Variants in COL5A3 observed in about 807,000 individuals in gnomAD.
The protein encoded by COL5A3 is collagen type V alpha 3 chain, also known as collagen alpha-3(V) chain.
COL5A3 carries 172 observed loss-of-function variants against 250.0 expected under a neutral mutation model. The ratio of observed to expected loss-of-function variants is 0.69; its 90% CI spans 0.61 to 0.78. The LOEUF (loss-of-function observed/expected upper bound fraction) is 0.78, where lower values mean the gene tolerates loss of function less well. Ranked by LOEUF, COL5A3 falls within the 30% of genes least tolerant of loss-of-function variation. The pLI, the probability that COL5A3 is intolerant of heterozygous loss-of-function variation, is 0.00. For synonymous variants in COL5A3, 937 were observed against 900.4 expected (o/e 1.04, Z -0.73); for missense variants, 2,340 against 2,334.4 (o/e 1.00, Z -0.05).
At chr19:10,006,907 T>C (rs2087451810) in intron 1 of COL5A3, among the ~76,000 whole-genome samples, 1 of 151,966 alleles carries the variant, frequency 6.6e-6, no homozygotes, top group Non-Finnish European at 1.5e-5. Context: ...CCCTTTGACC[T>C]CTTCCCTCTG....
intron 64 of COL5A3, among the ~76,000 whole-genome samples, chr19:9,963,565 G>GT (rs2086700578): frequency 8.2e-6 from 1 of 121,376 alleles, no homozygotes; most frequent in Non-Finnish European, 1.7e-5. Flanking sequence ...TTTTTTTGGG[G>GT]GGGGGGGCGG....
intron 21 of COL5A3, among the ~76,000 whole-genome samples, 183 bp downstream of exon 21, chr19:9,992,644 G>A (rs1385483904): frequency 1.3e-5 from 2 of 151,678 alleles, no homozygotes; most frequent in African/African-American, 2.4e-5. Context: ...AGGTGTGCTG[G>A]TGGGTCCCTG....
intron 52 of COL5A3, 79 bp from the exon 53 acceptor site, chr19:9,971,107 C>G: frequency 7.0e-7 from 1 of 1,418,708 alleles, no homozygotes; most frequent in Non-Finnish European, 9.4e-7. Context: ...GGCAAAAGAA[C>G]GTTTTTGGTT....
chr19:10,001,151 G>A (rs1026119311), intron 8 of COL5A3, among the ~76,000 whole-genome samples: 73 of 151,686 alleles, frequency 4.8e-4, no homozygotes, highest in Middle Eastern at 3.4e-3. Context: ...TAAATTGTTC[G>A]GTTTTTTTTT....
At chr19:9,983,600 G>A (rs11668080) in intron 31 of COL5A3, among the ~76,000 whole-genome samples, 5,437 of 76,994 alleles carry the variant, frequency 0.071, 387 homozygotes, top group South Asian at 0.1. Flanking sequence ...AAGAAAGAAA[G>A]AGAAAGAGAG....
At chr19:10,006,038 C>G (rs201822145) in intron 2 of COL5A3, 35 bp downstream of exon 2, 1 of 1,611,418 alleles carries the variant, frequency 6.2e-7, no homozygotes, top group Non-Finnish European at 8.5e-7. Context: ...GTGCCTCCCT[C>G]CGGGGAGGTA....
intron 47 of COL5A3, 41 bp from the exon 48 acceptor site, chr19:9,974,013 C>T (rs2086887945): frequency 6.6e-7 from 1 of 1,525,384 alleles, no homozygotes; most frequent in Non-Finnish European, 8.8e-7. Flanking sequence ...CCCCAGGCCC[C>T]TCTCCCCAAA....
Position 9,998,095 on chromosome 19 carries a change from C to T in COL5A3, c.1158+7G>A. On this transcript the variant is annotated splice_region_variant and intron_variant, in intron 9 of 66. Coordinates refer to ENST00000264828, the MANE Select transcript of COL5A3 (RefSeq NM_015719.4). ...CTCTCAACCCCCTCACAATCCAGAC[C>T]CCTCACCTTTTCAATCACTGCGGGC... is the stretch of plus-strand genomic sequence containing the variant. 5 of 1,613,912 alleles carry T rather than the reference C, an allele frequency of 3.1e-6. No individual in the cohort carries two copies. The highest frequency in any genetic ancestry group is 1.3e-5 in the African/African-American group (1 of 74,978).
At chr19:9,994,170 A>ATT (rs140091619) in intron 16 of COL5A3, among the ~76,000 whole-genome samples, 2 of 150,212 alleles carry the variant, frequency 1.3e-5, no homozygotes, top group Admixed American at 6.6e-5. Context: ...CTAAGATATT[A>ATT]TTTTTTTTAA....
At chr19:9,961,073 C>T (rs1279684646) in intron 65 of COL5A3, among the ~76,000 whole-genome samples, 183 bp from the exon 66 acceptor site, 1 of 152,144 alleles carries the variant, frequency 6.6e-6, no homozygotes, top group East Asian at 1.9e-4. Context: ...TGAACATCCA[C>T]TCTGTCCACC....
chr19:9,972,833 T>G, intron 51 of COL5A3, 86 bp downstream of exon 51: 1 of 864,440 alleles, frequency 1.2e-6, no homozygotes, highest in South Asian at 2.0e-5. Context: ...AGACTCCATC[T>G]CAAAAAAAAA....
chr19:10,005,592 A>C lies in COL5A3; in HGVS notation c.560T>G (p.Leu187Arg), dbSNP rs1382458059. 1.2e-6 allele frequency: 2 copies of C among 1,614,068 alleles called. No homozygotes were observed. Among genetic ancestry groups the C allele is most frequent in the Non-Finnish European group, 1.7e-6 (2 of 1,180,024 alleles). The change falls in exon 4 of 67, where the codon CTG (leucine) becomes CGG (arginine). Residue 187 changes from leucine (L) to arginine (R), a missense_variant. Leu to Arg is a moderately radical substitution (Grantham distance 102). Coordinates refer to ENST00000264828, the MANE Select transcript of COL5A3 (RefSeq NM_015719.4). ...RFISIAGLTV[L>R]GTQDLGEKTF... ...CTTTTCCCCAAGGTCCTGGGTCCCC[A>C]GCACAGTGAGTCCAGCTATGCTGAT... is the stretch of plus-strand genomic sequence containing the variant.
At chr19:9,966,911 A>G (rs952386109) in intron 62 of COL5A3, among the ~76,000 whole-genome samples, 165 bp from the exon 63 acceptor site, 5 of 152,180 alleles carry the variant, frequency 3.3e-5, no homozygotes, top group Non-Finnish European at 1.5e-5. Flanking sequence ...ATAAGCAGAC[A>G]GGGAGAGACA....
intron 4 of COL5A3, among the ~76,000 whole-genome samples, chr19:10,004,671 G>A (rs2087415847): frequency 6.6e-6 from 1 of 152,106 alleles, no homozygotes. Context: ...GCTTGTTGTG[G>A]GAAGAGCTGG....
intron 51 of COL5A3, among the ~76,000 whole-genome samples, chr19:9,972,103 G>A (rs896532010): frequency 3.3e-5 from 5 of 151,474 alleles, no homozygotes; most frequent in South Asian, 2.1e-4. Context: ...TTGTCCATTC[G>A]GCCACTCATT....
intron 42 of COL5A3, 28 bp from the exon 43 acceptor site, chr19:9,977,500 T>C (rs780434259): frequency 1.3e-5 from 19 of 1,500,754 alleles, no homozygotes. Flanking sequence ...AAGGGGGATG[T>C]CAGGGCAGGA....
rs2086654080 is a variant in COL5A3, at chr19:9,960,321, G to C, written c.*90C>G. ...ACATCCCATTGGCTCCATAGTCACA[G>C]GTAACGAAAAATACGGTGGCTTCAA... On this transcript the variant is annotated 3_prime_UTR_variant, in exon 67 of 67. Transcript: ENST00000264828. 4.0e-6 allele frequency: 6 copies of C among 1,501,192 alleles called. No individual in the cohort carries two copies. In the African/African-American group the frequency reaches 4.1e-5, roughly 10 times the overall value. 93.0% of individuals were successfully genotyped at this position (1,501,192 alleles called of 1,614,324 possible). A position where few individuals can be genotyped will look rare whatever the true frequency, so the allele number is the denominator to read the frequency against.
chr19:9,978,868 G>A (rs1002497801), intron 40 of COL5A3, 23 bp downstream of exon 40: 1 of 1,407,320 alleles, frequency 7.1e-7, no homozygotes, highest in African/African-American at 1.5e-5. Context: ...GGGACATGCA[G>A]GAGGGTCTCC....
Position 9,967,366 on chromosome 19 carries a change from G to C in COL5A3, c.4439C>G (p.Ala1480Gly). ...SMGPRGDTGP[A>G]GPPGPPGAPA... ...ACTCACCGGGGGGCCTGGTGGGCCTGCAGGTCCAGTGTCTCCACGGGGGCC... is the reference window on the plus strand; with the variant it reads ...ACTCACCGGGGGGCCTGGTGGGCCTCCAGGTCCAGTGTCTCCACGGGGGCC... Residue 1480 changes from alanine to glycine, a missense_variant, in exon 62 of 67, where the codon GCA becomes GGA. By Grantham distance (60) the Ala-to-Gly change is moderately conservative (BLOSUM62 0). Around this residue, in one of 3 missense-constraint regions of COL5A3, gnomAD observed 1,179 missense variants for 1,162.6 expected, o/e 1.01. Transcript: ENST00000264828. The C allele has an allele frequency of 1.4e-6, 2 of 1,455,384 alleles. No individual in the cohort carries two copies. Among genetic ancestry groups the C allele is most frequent in the Non-Finnish European group, 9.0e-7 (1 of 1,110,946 alleles). 90.2% of individuals were successfully genotyped at this position (1,455,384 alleles called of 1,614,324 possible). A position where few individuals can be genotyped will look rare whatever the true frequency, so the allele number is the denominator to read the frequency against.
Sources: gnomAD v4.1 joint callset for allele counts (sites outside exome capture counted in the v4.1 genomes callset) on GRCh38, gnomAD v4.1.1 for gene constraint, gnomAD v4.1.1 regional missense constraint, MANE v1.5 for transcripts, NCBI Gene and HGNC (gene_info 2026-07-23, HGNC 2026-07-21) for gene names.